The following DAPK2 variants were observed in gnomAD, a reference collection of about 807,000 sequenced individuals.
The protein encoded by DAPK2 is death-associated protein kinase 2.
Under a neutral mutation model 44.1 loss-of-function variants are expected in DAPK2, and 35 were observed. The observed-to-expected ratio is 0.79, with a 90% CI of 0.61 to 1.05. The LOEUF (loss-of-function observed/expected upper bound fraction) is 1.05. DAPK2 is among the 50% of genes least tolerant of loss of function. The pLI is 0.00. For missense variants in DAPK2, 453 were observed against 483.2 expected (o/e 0.94, Z 0.59); for synonymous variants, 174 against 182.6 (o/e 0.95, Z 0.38).
Position 63,994,527 on chromosome 15 carries a change from G to A in DAPK2, c.93-10773C>T, listed in dbSNP as rs147858669. ...GTCCCACCTTTCTAAGATAACCATC[G>A]TTATCATCTTGGTGTCTGCCCCTCA... On this transcript the variant is annotated intron_variant, in intron 1 of 10. Transcript: ENST00000261891. Among the ~76,000 whole-genome samples, 20 of 151,048 alleles carry A rather than the reference G, an allele frequency of 1.3e-4. No individual in the cohort carries two copies. The East Asian group carries it at 3.3e-3, about 25-fold the overall frequency.
chr15:63,912,019 C>T lies in DAPK2; in HGVS notation c.949-28G>A. 1 of 1,610,732 alleles carries T rather than the reference C, an allele frequency of 6.2e-7. No individual in the cohort carries two copies. The highest frequency in any genetic ancestry group is 1.3e-5 in the African/African-American group (1 of 75,002). ...GAGGGAGGCAGAGGAAAGGAATCCC[C>T]AGGTGAGAATGTGCATGGAGACCCT... On this transcript the variant is annotated intron_variant, in intron 9 of 10. Transcript: ENST00000261891. This position sits in a 1 kb window ranked among gnomAD's most constrained non-coding sequence, Gnocchi z 4.4.
rs1390750335 is a variant in DAPK2 at position 63,917,882 on chromosome 15, CT to C, written c.859-5686del. 6.6e-6 allele frequency: 1 copy of C among 152,184 alleles called. No individual in the cohort carries two copies. Among genetic ancestry groups the C allele is most frequent in the African/African-American group, 2.4e-5 (1 of 41,422 alleles). The allele number at this position is 152,184 out of a possible 1,614,324, so 9.4% of individuals were successfully genotyped here. A position where few individuals can be genotyped will look rare whatever the true frequency, so the allele number is the denominator to read the frequency against. On this transcript the variant is annotated intron_variant, in intron 8 of 10. Transcript: ENST00000261891. The surrounding 1 kb of genome is among the most constrained non-coding windows in gnomAD (Gnocchi z 4.4). ...CTTTGATTTCTAGGAGATGAGGAAG[CT>C]CTATTTTATCACTCACCATAGCTTT...
chr15:64,010,684 A>G (rs1232411474), intron 1 of DAPK2, among the ~76,000 whole-genome samples: 2 of 151,944 alleles, frequency 1.3e-5, no homozygotes, highest in African/African-American at 4.8e-5. Flanking sequence ...TCATTTGTCT[A>G]CCCATCCCCA....
intron 3 of DAPK2, among the ~76,000 whole-genome samples, chr15:63,952,479 G>C (rs1294941639): frequency 6.6e-6 from 1 of 152,106 alleles, no homozygotes; most frequent in African/African-American, 2.4e-5. Context: ...TCTGTATCTT[G>C]TTGCCCGGGG....
chr15:64,004,699 C>T (rs557050803), intron 1 of DAPK2, among the ~76,000 whole-genome samples: 1 of 152,296 alleles, frequency 6.6e-6, no homozygotes, highest in African/African-American at 2.4e-5. Context: ...ACAGTGGGCC[C>T]CTTGGTTTGG....
intron 1 of DAPK2, among the ~76,000 whole-genome samples, chr15:64,022,055 T>G (rs750034930): frequency 6.6e-6 from 1 of 152,126 alleles, no homozygotes; most frequent in Non-Finnish European, 1.5e-5. Flanking sequence ...CTGGAAGCAC[T>G]TACCTTGCAA....
At position 63,939,202 on chromosome 15, in the gene DAPK2, A is replaced by G; in HGVS notation, c.583+30T>C. The G allele has an allele frequency of 1.2e-5, 20 of 1,610,944 alleles. No individual in the cohort carries two copies. Among genetic ancestry groups the G allele is most frequent in the Non-Finnish European group, 1.7e-5 (20 of 1,178,132 alleles). On this transcript the variant is annotated intron_variant, in intron 4 of 10. Transcript: ENST00000261891. This position sits in a 1 kb window ranked among gnomAD's most constrained non-coding sequence, Gnocchi z 4.3. ...TCCCTACCTTTGATGCCAGATTCTT[A>G]GCTGAAAGACAAACAGGCCTACAAC...
chr15:64,040,341 G>A (rs1265237687), upstream of DAPK2: 13 of 1,135,076 alleles, frequency 1.1e-5, no homozygotes, highest in South Asian at 2.5e-5. Flanking sequence ...AGGCCTAAAC[G>A]TAATTGGCTG....
At chr15:64,007,848 A>G (rs1349226831) in intron 1 of DAPK2, among the ~76,000 whole-genome samples, 1 of 152,232 alleles carries the variant, frequency 6.6e-6, no homozygotes, top group Non-Finnish European at 1.5e-5. Context: ...ATTAAAAGGA[A>G]AAAAGTACTG....
chr15:63,926,535 G>A (rs2079275262), intron 6 of DAPK2, among the ~76,000 whole-genome samples: 2 of 152,134 alleles, frequency 1.3e-5, no homozygotes, highest in South Asian at 4.1e-4. Flanking sequence ...AGACGGAAAG[G>A]CCTTCTGGGT....
At chr15:64,035,735 C>G (rs568327845) in intron 1 of DAPK2, among the ~76,000 whole-genome samples, 166 of 152,354 alleles carry the variant, frequency 1.1e-3, no homozygotes, top group African/African-American at 3.8e-3. Flanking sequence ...TCTCCAAACA[C>G]TCCTAGAAAC....
upstream of DAPK2, among the ~76,000 whole-genome samples, chr15:64,043,601 G>C (rs2080394256): frequency 6.6e-6 from 1 of 152,232 alleles, no homozygotes; most frequent in South Asian, 2.1e-4. Flanking sequence ...TCAGGGGAGA[G>C]TTGGAAGGGG....
intron 10 of DAPK2, 173 bp downstream of exon 11, chr15:63,911,735 C>T (rs1048717304): frequency 8.3e-5 from 56 of 678,472 alleles, no homozygotes; most frequent in Non-Finnish European, 1.3e-4. Context: ...CCCCAGAACA[C>T]ACTCCTCTGA....
At chr15:64,005,876 A>T (rs971010160) in intron 1 of DAPK2, among the ~76,000 whole-genome samples, 20 of 151,846 alleles carry the variant, frequency 1.3e-4, no homozygotes, top group African/African-American at 4.4e-4. Context: ...AAAGAAAAAA[A>T]TTTTTTAATT....
chr15:63,932,466 C>CAAAAAAA (rs61026642), intron 4 of DAPK2: 38 of 68,208 alleles, frequency 5.6e-4, no homozygotes, highest in African/African-American at 7.9e-4. Context: ...AACTCCGTCT[C>CAAAAAAA]AAAAAAAAAA....
chr15:64,036,453 T>C (rs1188314654), intron 1 of DAPK2, among the ~76,000 whole-genome samples: 1 of 150,410 alleles, frequency 6.6e-6, no homozygotes, highest in Non-Finnish European at 1.5e-5. Flanking sequence ...GACACCCAGA[T>C]CAAGAAACAG....
At chr15:63,936,922 G>A (rs2077172766) in intron 4 of DAPK2, among the ~76,000 whole-genome samples, 1 of 149,226 alleles carries the variant, frequency 6.7e-6, no homozygotes, top group Non-Finnish European at 1.5e-5. Context: ...TGAATCTGCA[G>A]TGAGGTATGA....
intron 2 of DAPK2, among the ~76,000 whole-genome samples, chr15:63,979,445 G>A (rs1029476320): frequency 5.9e-5 from 9 of 152,210 alleles, no homozygotes; most frequent in Non-Finnish European, 1.3e-4. Context: ...GTTGCTGAGA[G>A]GGGCAGTGGG....
At chr15:63,952,040 G>C (rs2077602309) in intron 3 of DAPK2, among the ~76,000 whole-genome samples, 1 of 152,176 alleles carries the variant, frequency 6.6e-6, no homozygotes, top group Admixed American at 6.5e-5. Flanking sequence ...AGGAGTTCGA[G>C]ACCAGCCTGG....
Sources: gnomAD v4.1 joint callset for allele counts (sites outside exome capture counted in the v4.1 genomes callset) on GRCh38, gnomAD v4.1.1 for gene constraint, Gnocchi (gnomAD v3.1) non-coding constraint, MANE v1.5 for transcripts, NCBI Gene and HGNC (gene_info 2026-07-23, HGNC 2026-07-21) for gene names.